The following SYTL2 variants were observed in gnomAD, a reference collection of about 807,000 sequenced individuals.
The protein encoded by SYTL2 is synaptotagmin like 2, also known as synaptotagmin-like protein 2.
SYTL2 carries 165 observed loss-of-function variants against 198.7 expected under a neutral mutation model. The observed-to-expected ratio is 0.83, with a 90% CI of 0.73 to 0.94. The LOEUF is 0.94. SYTL2 is among the 40% of genes least tolerant of loss of function. The probability of loss-of-function intolerance (pLI) is 0.00; values close to 1 mark genes in which losing one functional copy is unlikely to be tolerated. For missense variants in SYTL2, 2,835 were observed against 2,582.8 expected (o/e 1.10, Z -2.12); for synonymous variants, 966 against 917.7 (o/e 1.05, Z -0.95).
At chr11:85,829,282 T>A in the SYTL2 span, among the ~76,000 whole-genome samples, 5 of 152,134 alleles carry the variant, frequency 3.3e-5, no homozygotes, top group African/African-American at 1.2e-4. Context: ...TCTTTATGTT[T>A]ATGTGTATTC....
chr11:85,780,082 C>T (rs565616460), intron 1 of SYTL2, among the ~76,000 whole-genome samples: 1 of 152,340 alleles, frequency 6.6e-6, no homozygotes, highest in African/African-American at 2.4e-5. Context: ...TGAAAGAAGA[C>T]AATTCAGGCC....
Position 85,700,253 on chromosome 11 carries a change from G to C in SYTL2, c.6268+262C>G, listed in dbSNP as rs186103953. Reference sequence around the variant, plus strand: ...GGTTCTGGAGATCTGTTTCCCAACAGTGTGAATATACTTAGCACTACTAAG... The same window carrying C: ...GGTTCTGGAGATCTGTTTCCCAACACTGTGAATATACTTAGCACTACTAAG... On this transcript the variant is annotated intron_variant, in intron 17 of 19. Transcript: ENST00000359152. Among the ~76,000 whole-genome samples, 40 of 151,946 alleles carry C rather than the reference G, an allele frequency of 2.6e-4. 1 individual carries two copies. Among genetic ancestry groups the C allele is most frequent in the African/African-American group, 8.7e-4 (36 of 41,500 alleles).
chr11:85,703,549 G>C (rs1215211321), intron 16 of SYTL2, among the ~76,000 whole-genome samples: 1 of 152,050 alleles, frequency 6.6e-6, no homozygotes, highest in Admixed American at 6.5e-5. Flanking sequence ...GATTGAAAAA[G>C]ATGTTATGAT....
At chr11:85,745,056 T>G (rs2091057081) in intron 4 of SYTL2, among the ~76,000 whole-genome samples, 1 of 152,246 alleles carries the variant, frequency 6.6e-6, no homozygotes, top group South Asian at 2.1e-4. Flanking sequence ...GTATCTATCA[T>G]GCCAGGTATT....
At chr11:85,792,594 C>T (rs972012769) in intron 1 of SYTL2, among the ~76,000 whole-genome samples, 4 of 151,584 alleles carry the variant, frequency 2.6e-5, no homozygotes, top group African/African-American at 9.7e-5. Context: ...ATACCACCCC[C>T]ACCTAAGATT....
chr11:85,786,320 A>C (rs2092635081), intron 1 of SYTL2, among the ~76,000 whole-genome samples: 1 of 152,180 alleles, frequency 6.6e-6, no homozygotes, highest in Admixed American at 6.5e-5. Flanking sequence ...TGGTGGTGTA[A>C]CTGGTCAGTA....
At chr11:85,840,635 C>T in the SYTL2 span, among the ~76,000 whole-genome samples, 2 of 152,096 alleles carry the variant, frequency 1.3e-5, no homozygotes, top group African/African-American at 4.8e-5. Flanking sequence ...GGAAAAACTC[C>T]CTATTCAATA....
rs1015429360 is a variant in SYTL2, at chr11:85,757,820, C to A, written c.-95G>T. ...CTGCAACCAGGAAGATTAAAACACACAAAAATGAAATATCTTGTTCAGTTC... is the reference window on the plus strand; with the variant it reads ...CTGCAACCAGGAAGATTAAAACACAAAAAAATGAAATATCTTGTTCAGTTC... On this transcript the variant is annotated 5_prime_UTR_variant, in exon 2 of 20. Coordinates refer to ENST00000359152, the MANE Select transcript of SYTL2 (RefSeq NM_206927.4). 1.9e-6 allele frequency: 3 copies of A among 1,552,004 alleles called. No homozygotes were observed. The highest frequency in any genetic ancestry group is 1.7e-5 in the Admixed American group (1 of 57,216).
At chr11:85,804,715 A>G (rs1463078756) in intron 1 of SYTL2, among the ~76,000 whole-genome samples, 1 of 152,244 alleles carries the variant, frequency 6.6e-6, no homozygotes, top group African/African-American at 2.4e-5. Context: ...AGTATGTTAC[A>G]TTAGCAACCA....
chr11:85,753,335 A>G, intron 2 of SYTL2, among the ~76,000 whole-genome samples: 1 of 152,054 alleles, frequency 6.6e-6, no homozygotes. Flanking sequence ...TCCACATGGG[A>G]GTTAGGGAAG....
intron 1 of SYTL2, among the ~76,000 whole-genome samples, chr11:85,765,282 G>A (rs929871979): frequency 2.6e-5 from 4 of 152,134 alleles, no homozygotes; most frequent in African/African-American, 9.7e-5. Flanking sequence ...TGTCACCCAC[G>A]CTGGAGTGCA....
chr11:85,727,984 C>T lies in SYTL2; in HGVS notation c.1391-17G>A. On this transcript the variant is annotated splice_polypyrimidine_tract_variant and intron_variant, in intron 7 of 19. Coordinates refer to ENST00000359152, the MANE Select transcript of SYTL2 (RefSeq NM_206927.4). Reference sequence around the variant, plus strand: ...ACAGTTCATCTGCAACATAGAAATACTTTTCTAAATAAGAAAAGAGCATGC... The same window carrying T: ...ACAGTTCATCTGCAACATAGAAATATTTTTCTAAATAAGAAAAGAGCATGC... The T allele has an allele frequency of 6.5e-7, 1 of 1,549,510 alleles. No individual in the cohort carries two copies. The highest frequency in any genetic ancestry group is 2.3e-5 in the East Asian group (1 of 44,276).
intron 1 of SYTL2, among the ~76,000 whole-genome samples, chr11:85,770,415 A>G (rs1471581657): frequency 6.6e-6 from 1 of 152,120 alleles, no homozygotes; most frequent in African/African-American, 2.4e-5. Flanking sequence ...TCTACCATAC[A>G]CAATCCAGCT....
At chr11:85,698,130 T>C in intron 17 of SYTL2, 52 bp from the exon 18 acceptor site, 1 of 1,231,384 alleles carries the variant, frequency 8.1e-7, no homozygotes, top group Non-Finnish European at 1.2e-6. Flanking sequence ...CCCTTGGCAA[T>C]ACTGCGTCCA....
intron 1 of SYTL2, among the ~76,000 whole-genome samples, chr11:85,768,804 G>C (rs1591974299): frequency 1.3e-5 from 2 of 152,122 alleles, no homozygotes; most frequent in Admixed American, 6.5e-5. Flanking sequence ...TTGGGTGAAA[G>C]GATCTCATTC....
At chr11:85,734,772 T>C (rs776656229) in intron 6 of SYTL2, 30 bp from the exon 7 acceptor site, 4 of 1,477,280 alleles carry the variant, frequency 2.7e-6, no homozygotes. Context: ...AGGTGATATA[T>C]CATATAGAGA....
At chr11:85,820,556 G>C in the SYTL2 span, among the ~76,000 whole-genome samples, 1 of 152,204 alleles carries the variant, frequency 6.6e-6, no homozygotes, top group East Asian at 1.9e-4. Flanking sequence ...CTAACTCTGG[G>C]GGTGAGGCCA....
At chr11:85,846,659 T>A in the SYTL2 span, among the ~76,000 whole-genome samples, 1 of 151,848 alleles carries the variant, frequency 6.6e-6, no homozygotes, top group African/African-American at 2.4e-5. Context: ...ACTCCTGACC[T>A]TAGGTGATCC....
intron 1 of SYTL2, among the ~76,000 whole-genome samples, chr11:85,777,017 C>T (rs181857698): frequency 1.3e-5 from 2 of 152,214 alleles, no homozygotes; most frequent in African/African-American, 4.8e-5. Context: ...AGACAAGTCA[C>T]ATGCCAACTC....
Sources: allele counts gnomAD v4.1 joint callset (sites outside exome capture counted in the v4.1 genomes callset), GRCh38; gene constraint gnomAD v4.1.1; transcripts MANE v1.5; gene names NCBI Gene and HGNC (gene_info 2026-07-23, HGNC 2026-07-21).